The following TRIM50 variants were observed in gnomAD, a reference collection of about 807,000 sequenced individuals.
TRIM50 encodes E3 ubiquitin-protein ligase TRIM50.
TRIM50 carries 34 observed loss-of-function variants against 44.9 expected under a neutral mutation model. The observed-to-expected ratio is 0.76, with a 90% CI of 0.58 to 1.01. The LOEUF is 1.01. Ranked by LOEUF, TRIM50 falls within the 50% of genes least tolerant of loss-of-function variation. TRIM50 has a pLI of 0.00. For synonymous variants in TRIM50, 307 were observed against 291.1 expected, an observed-to-expected ratio of 1.05 and a Z score of -0.56; for missense variants, 633 against 663.7, an observed-to-expected ratio of 0.95 and a Z score of 0.51.
intron 5 of TRIM50, among the ~76,000 whole-genome samples, chr7:73,318,261 G>A (rs553842247): frequency 1.5e-4 from 23 of 152,168 alleles, no homozygotes; most frequent in Non-Finnish European, 2.2e-4. Flanking sequence ...CATGAGTAGC[G>A]GGGACTATAG....
In TRIM50 at chr7:73,313,754, C is replaced by T. The variant is rs1470836985; in HGVS notation, c.875-244G>A. Among the ~76,000 whole-genome samples the T allele has an allele frequency of 2.0e-5, 3 of 152,122 alleles. No homozygotes were observed. Among genetic ancestry groups the T allele is most frequent in the African/African-American group, 7.2e-5 (3 of 41,418 alleles). On this transcript the variant is annotated intron_variant, in intron 6 of 6. Coordinates refer to ENST00000333149, the MANE Select transcript of TRIM50 (RefSeq NM_178125.3). The surrounding 1 kb of genome is among the most constrained non-coding windows in gnomAD (Gnocchi z 4.9). ...CAATCACAGACTGATTGCATCCACC[C>T]AAGGCAAAAACAGTGTTTATATAAA...
intron 2 of TRIM50, among the ~76,000 whole-genome samples, chr7:73,323,691 C>T (rs1300658984): frequency 6.6e-6 from 1 of 152,150 alleles, no homozygotes; most frequent in Non-Finnish European, 1.5e-5. Flanking sequence ...CACCAGGGGA[C>T]AAAATGAAGT....
Position 73,313,000 on chromosome 7 carries a change from C to A in TRIM50, c.1385G>T (p.Gly462Val). The A allele has an allele frequency of 6.4e-7, 1 of 1,553,984 alleles. No homozygotes were observed. Among genetic ancestry groups the A allele is most frequent in the Non-Finnish European group, 8.7e-7 (1 of 1,148,336 alleles). ...PILDTCWHER[G>V]SNSLPMVLPP... ...CAGCACCATGGGCAGCGAGTTGCTG[C>A]CCCTCTCGTGCCAGCAGGTGTCCAG... The change falls in exon 7 of 7, where the codon GGC (glycine) becomes GTC (valine). Residue 462 changes from glycine (G) to valine (V), a missense_variant. By Grantham distance (109) the Gly-to-Val change is moderately radical (BLOSUM62 -3). Transcript: ENST00000333149.
chr7:73,315,736 T>C (rs545074229), intron 6 of TRIM50, among the ~76,000 whole-genome samples: 24 of 152,312 alleles, frequency 1.6e-4, no homozygotes, highest in Non-Finnish European at 2.6e-4. Flanking sequence ...CAAGACAGCA[T>C]GCTAGTAATA....
chr7:73,325,171 C>G (rs1295133231), intron 1 of TRIM50, among the ~76,000 whole-genome samples: 1 of 152,064 alleles, frequency 6.6e-6, no homozygotes, highest in Admixed American at 6.6e-5. Context: ...TAGAACTGAA[C>G]AGCAAAACCT....
rs564593466 is a variant in TRIM50 at position 73,313,838 on chromosome 7, GGGCTCGGGGTTCTGGCC to G, written c.875-345_875-329del. ...GTGGCTGGAGAAAGAAATGGACACT[GGGCTCGGGGTTCTGGCC>G]TGCCTGCCTGACACAGAGGTGTTGT... is the stretch of plus-strand genomic sequence containing the variant. On this transcript the variant is annotated intron_variant, in intron 6 of 6. Coordinates refer to ENST00000333149, the MANE Select transcript of TRIM50 (RefSeq NM_178125.3). The surrounding 1 kb of genome is among the most constrained non-coding windows in gnomAD (Gnocchi z 4.9). Among the ~76,000 whole-genome samples the G allele has an allele frequency of 3.3e-5, 5 of 152,282 alleles. No individual in the cohort carries two copies. The East Asian group carries it at 5.8e-4, about 18-fold the overall frequency.
At position 73,313,155 on chromosome 7, in the gene TRIM50, G is replaced by C. The variant is rs148550531; in HGVS notation, c.1230C>G (p.His410Gln). The C allele has an allele frequency of 2.5e-6, 4 of 1,588,974 alleles. No individual in the cohort carries two copies. In the African/African-American group the frequency reaches 5.4e-5, roughly 21 times the overall value. ...CPRVPLPVAG[H>Q]PHRIGLYLHY... The stretch of plus-strand genomic sequence containing the variant: ...GCAGGTAGAGCCCGATGCGGTGGGG[G>C]TGGCCGGCCACGGGCAGGGGTACCC... Residue 410 changes from histidine (H) to glutamine (Q), a missense_variant, in exon 7 of 7, where the codon CAC (histidine) becomes CAG (glutamine). Transcript: ENST00000333149. The surrounding 1 kb of genome is among the most constrained non-coding windows in gnomAD (Gnocchi z 4.9).
At position 73,313,564 on chromosome 7, in the gene TRIM50, G is replaced by A. The variant is rs1166243926; in HGVS notation, c.875-54C>T. 2.3e-5 allele frequency: 32 copies of A among 1,404,214 alleles called. No homozygotes were observed. Among genetic ancestry groups the A allele is most frequent in the Non-Finnish European group, 2.7e-5 (29 of 1,066,586 alleles). 87.0% of individuals were successfully genotyped at this position (1,404,214 alleles called of 1,614,324 possible). On this transcript the variant is annotated intron_variant, in intron 6 of 6. Transcript: ENST00000333149. The surrounding 1 kb of genome is among the most constrained non-coding windows in gnomAD (Gnocchi z 4.9). ...AGGCCACGTGGAGGGCAGCAGACCC[G>A]GCCCACAGAAGCTGATGGAGGCCCT...
chr7:73,314,101 C>A, intron 6 of TRIM50: 1 of 331,222 alleles, frequency 3.0e-6, no homozygotes. Context: ...CTTCCCGCCA[C>A]CCAAGTTGCC....
Position 73,316,564 on chromosome 7 carries a change from C to T in TRIM50, c.874+1G>A, listed in dbSNP as rs782117915. The T allele has an allele frequency of 6.2e-7, 1 of 1,614,114 alleles. No homozygotes were observed. The highest frequency in any genetic ancestry group is 1.7e-5 in the Admixed American group (1 of 60,016). On this transcript the variant is annotated splice_donor_variant, in intron 6 of 6. Coordinates refer to ENST00000333149, the MANE Select transcript of TRIM50 (RefSeq NM_178125.3). LOFTEE classifies it high-confidence loss of function. Reference sequence around the variant, plus strand: ...GGAAGGAGGACGGGTCAGGGCCTCACCTGGCAAAACTTTCCGGAAGAGCCT... The same window carrying T: ...GGAAGGAGGACGGGTCAGGGCCTCATCTGGCAAAACTTTCCGGAAGAGCCT...
intron 3 of TRIM50, among the ~76,000 whole-genome samples, chr7:73,319,603 G>A (rs1312777921): frequency 1.2e-4 from 18 of 152,238 alleles, no homozygotes; most frequent in African/African-American, 4.3e-4. Context: ...GGCAGGGCTG[G>A]TACCGCCTGC....
chr7:73,314,223 G>A (rs1235670646), intron 6 of TRIM50: 4 of 344,166 alleles, frequency 1.2e-5, no homozygotes, highest in African/African-American at 4.4e-5. Flanking sequence ...AAGACTTTTG[G>A]CACTGGACAG....
Position 73,313,007 on chromosome 7 carries a change from C to G in TRIM50, c.1378G>C (p.Glu460Gln), listed in dbSNP as rs376965946. The G allele has an allele frequency of 1.4e-5, 22 of 1,555,426 alleles. No homozygotes were observed. In the African/African-American group the frequency reaches 2.0e-4, roughly 14 times the overall value. Residue 460 changes from glutamate (E) to glutamine (Q), a missense_variant, in exon 7 of 7, where the codon GAG becomes CAG. Coordinates refer to ENST00000333149, the MANE Select transcript of TRIM50 (RefSeq NM_178125.3). This position sits in a 1 kb window ranked among gnomAD's most constrained non-coding sequence, Gnocchi z 4.9. The part of the protein sequence containing the change: ...LYPILDTCWH[E>Q]RGSNSLPMVL... Reference sequence around the variant, plus strand: ...ATGGGCAGCGAGTTGCTGCCCCTCTCGTGCCAGCAGGTGTCCAGGATGGGG... The same window carrying G: ...ATGGGCAGCGAGTTGCTGCCCCTCTGGTGCCAGCAGGTGTCCAGGATGGGG...
chr7:73,325,012 ATATG>A (rs1439217310), intron 1 of TRIM50, among the ~76,000 whole-genome samples: 4 of 103,718 alleles, frequency 3.9e-5, no homozygotes, highest in African/African-American at 1.6e-4. Flanking sequence ...TCCCTTGAAG[ATATG>A]TGTGTGTGTG....
chr7:73,325,898 G>C lies in TRIM50; in HGVS notation c.-18-1093C>G, dbSNP rs139854863. On this transcript the variant is annotated intron_variant, in intron 1 of 6. Coordinates refer to ENST00000333149, the MANE Select transcript of TRIM50 (RefSeq NM_178125.3). ...CTTTTTTTGGGCGGGGGGGCTGGGGGGTGGGGAAAGACAGCTTGTTGCTCT... is the reference window on the plus strand; with the variant it reads ...CTTTTTTTGGGCGGGGGGGCTGGGGCGTGGGGAAAGACAGCTTGTTGCTCT... Among the ~76,000 whole-genome samples, 976 of 147,426 alleles carry C rather than the reference G, an allele frequency of 6.6e-3. 12 individuals carry two copies. Among genetic ancestry groups the C allele is most frequent in the African/African-American group, 0.022 (901 of 40,536 alleles).
At chr7:73,316,521 C>A in intron 6 of TRIM50, 44 bp downstream of exon 6, 1 of 1,610,312 alleles carries the variant, frequency 6.2e-7, no homozygotes, top group Non-Finnish European at 8.5e-7. Flanking sequence ...TGCCACCTGC[C>A]CTGGGCGGCA....
intron 6 of TRIM50, chr7:73,314,725 C>T (rs1179820716): frequency 9.4e-6 from 2 of 213,532 alleles, no homozygotes; most frequent in African/African-American, 4.7e-5. Flanking sequence ...TGGCACACGC[C>T]TATAGTCCCA....
At chr7:73,317,929 C>A (rs1554544390) in intron 5 of TRIM50, among the ~76,000 whole-genome samples, 1 of 152,166 alleles carries the variant, frequency 6.6e-6, no homozygotes, top group East Asian at 1.9e-4. Context: ...CCATTTCCCA[C>A]CTCTCCCAGC....
rs61741334 is a variant in TRIM50 at position 73,324,563 on chromosome 7, G to T, written c.225C>A (p.Ile75=). The change falls in exon 2 of 7, where the codon ATC becomes ATA. Residue 75 remains isoleucine (I), a synonymous_variant. Coordinates refer to ENST00000333149, the MANE Select transcript of TRIM50 (RefSeq NM_178125.3). ...SLPNVSLARV[I]EALRLPGDPE... is the part of the protein sequence containing the mutation. The stretch of plus-strand genomic sequence containing the variant: ...GGTCCCCAGGGAGCCTCAGGGCTTC[G>T]ATCACCCTGGCCAGGGAGACGTTGG... 47,207 of 1,614,122 alleles carry T rather than the reference G, an allele frequency of 0.029. 833 individuals carry two copies. Among genetic ancestry groups the T allele is most frequent in the Non-Finnish European group, 0.035 (41,524 of 1,180,006 alleles).
Sources: gnomAD v4.1 joint callset for allele counts (sites outside exome capture counted in the v4.1 genomes callset) on GRCh38, gnomAD v4.1.1 for gene constraint, Gnocchi (gnomAD v3.1) non-coding constraint, MANE v1.5 for transcripts, NCBI Gene and HGNC (gene_info 2026-07-23, HGNC 2026-07-21) for gene names.